Variants in ADPRHL1 observed in about 807,000 individuals in gnomAD.
The protein encoded by ADPRHL1 is ADP-ribosylhydrolase like 1.
Under a neutral mutation model 44.1 loss-of-function variants are expected in ADPRHL1, and 43 were observed. The observed-to-expected ratio is 0.98, with a 90% CI of 0.76 to 1.26. The LOEUF is 1.26. Ranked by LOEUF, ADPRHL1 falls within the 50% of genes most tolerant of loss-of-function variation. ADPRHL1 has a pLI of 0.00. For synonymous variants in ADPRHL1, 878 were observed against 1,017.4 expected (o/e 0.86, Z 2.61); for missense variants, 2,022 against 2,496.9 (o/e 0.81, Z 4.05).
intron 4 of ADPRHL1, among the ~76,000 whole-genome samples, chr13:113,427,753 G>A (rs1369913393): frequency 6.6e-6 from 1 of 152,232 alleles, no homozygotes; most frequent in Non-Finnish European, 1.5e-5. Context: ...GGGGAGCACA[G>A]AGCAGTGGCT....
At chr13:113,433,018 A>G (rs948967826) in intron 3 of ADPRHL1, among the ~76,000 whole-genome samples, 2 of 152,194 alleles carry the variant, frequency 1.3e-5, no homozygotes, top group African/African-American at 2.4e-5. Context: ...CGGGCTGCGG[A>G]CGGGGACAAA....
At chr13:113,426,948 A>G (rs150376288) in intron 4 of ADPRHL1, among the ~76,000 whole-genome samples, 2 of 152,334 alleles carry the variant, frequency 1.3e-5, no homozygotes, top group Non-Finnish European at 2.9e-5. Flanking sequence ...AGGGTGTCCT[A>G]CGGGACTTAA....
chr13:113,408,195 C>A lies in ADPRHL1; in HGVS notation c.1087G>T (p.Asp363Tyr). 1 of 1,232,024 alleles carries A rather than the reference C, an allele frequency of 8.1e-7. No individual in the cohort carries two copies. Among genetic ancestry groups the A allele is most frequent in the South Asian group, 4.1e-5 (1 of 24,318 alleles). The allele number at this position is 1,232,024 out of a possible 1,614,324, so 76.3% of individuals were successfully genotyped here. A position where few individuals can be genotyped will look rare whatever the true frequency, so the allele number is the denominator to read the frequency against. The change falls in exon 8 of 8, where the codon GAC (aspartate) becomes TAC (tyrosine). Residue 363 changes from aspartate (D) to tyrosine (Y), a missense_variant. Around this residue, in one of 8 missense-constraint regions of ADPRHL1, gnomAD observed 1,221 missense variants for 1,517.8 expected, o/e 0.80. Transcript: ENST00000612156. Reference sequence around the variant, plus strand: ...GTTTGGGCGTCCACAGACATGACGTCACTGCAGGTCTTGCTGCTCTTCCGG... The same window carrying A: ...GTTTGGGCGTCCACAGACATGACGTAACTGCAGGTCTTGCTGCTCTTCCGG... ...ENRKSSKTCS[D>Y]VMSVDAQTLK...
chr13:113,447,211 T>C (rs1275394174), intron 1 of ADPRHL1, among the ~76,000 whole-genome samples: 2 of 137,348 alleles, frequency 1.5e-5, no homozygotes, highest in South Asian at 2.4e-4. Context: ...TGTGTGTGCA[T>C]GGCGTCTACA....
chr13:113,450,960 C>A lies in ADPRHL1; in HGVS notation c.214+2264G>T, dbSNP rs111464373. 5.3e-5 allele frequency among the ~76,000 whole-genome samples: 8 copies of A among 151,658 alleles called. 1 individual carries two copies. Among genetic ancestry groups the A allele is most frequent in the Admixed American group, 1.3e-4 (2 of 15,268 alleles). ...CCCCTGGGGAAAGGGAGACCCCCCC[C>A]CCCTTCCTGGTCTGCTAAGTAGCAG... On this transcript the variant is annotated intron_variant, in intron 1 of 7. Coordinates refer to ENST00000612156, the MANE Select transcript of ADPRHL1 (RefSeq NM_001394807.1).
Position 113,453,471 on chromosome 13 carries a change from G to T in ADPRHL1, c.-34C>A. On this transcript the variant is annotated 5_prime_UTR_variant, in exon 1 of 8. Coordinates refer to ENST00000612156, the MANE Select transcript of ADPRHL1 (RefSeq NM_001394807.1). This position sits in a 1 kb window ranked among gnomAD's most constrained non-coding sequence, Gnocchi z 5.4. Reference sequence around the variant, plus strand: ...GCAGCTCCTCTTCCCCAACAGCTGCGGAGCGTCCTGGCCTTTGTCTCCTCC... The same window carrying T: ...GCAGCTCCTCTTCCCCAACAGCTGCTGAGCGTCCTGGCCTTTGTCTCCTCC... The T allele has an allele frequency of 6.2e-7, 1 of 1,605,730 alleles. No homozygotes were observed. Among genetic ancestry groups the T allele is most frequent in the Non-Finnish European group, 8.5e-7 (1 of 1,175,338 alleles).
At position 113,402,312 on chromosome 13, in the gene ADPRHL1, T is replaced by C. The variant is rs1054284293; in HGVS notation, c.*1066A>G. ...AAGAATGTGCTTTAAAATAGGTGCATGGAGGAAGAGCCTAAAAAATAGTCC... is the reference window on the plus strand; with the variant it reads ...AAGAATGTGCTTTAAAATAGGTGCACGGAGGAAGAGCCTAAAAAATAGTCC... On this transcript the variant is annotated 3_prime_UTR_variant, in exon 8 of 8. Transcript: ENST00000612156. 1 of 152,146 alleles carries C rather than the reference T, an allele frequency of 6.6e-6. No individual in the cohort carries two copies. Among genetic ancestry groups the C allele is most frequent in the African/African-American group, 2.4e-5 (1 of 41,414 alleles). 9.4% of individuals were successfully genotyped at this position (152,146 alleles called of 1,614,324 possible). A position where few individuals can be genotyped will look rare whatever the true frequency, so the allele number is the denominator to read the frequency against.
Position 113,403,183 on chromosome 13 carries a change from T to C in ADPRHL1, c.*195A>G. 1 of 428,250 alleles carries C rather than the reference T, an allele frequency of 2.3e-6. No individual in the cohort carries two copies. Among genetic ancestry groups the C allele is most frequent in the Non-Finnish European group, 3.9e-6 (1 of 258,974 alleles). 26.5% of individuals were successfully genotyped at this position (428,250 alleles called of 1,614,324 possible). On this transcript the variant is annotated 3_prime_UTR_variant, in exon 8 of 8. Coordinates refer to ENST00000612156, the MANE Select transcript of ADPRHL1 (RefSeq NM_001394807.1). ...CCACCCCCATGGCCTCGTGGCTCTG[T>C]GGGGTGACAGGAACCCGACCCACAT...
rs374406687 is a variant in ADPRHL1, at chr13:113,424,330, G to A, written c.794C>T (p.Ser265Leu). The A allele has an allele frequency of 2.6e-4, 414 of 1,612,726 alleles. 6 individuals carry two copies. In the South Asian group the frequency reaches 4.2e-3, roughly 16 times the overall value. The change falls in exon 6 of 8, where the codon TCG (serine) becomes TTG (leucine). Residue 265 changes from serine to leucine, a missense_variant. By Grantham distance (145) the Ser-to-Leu change is moderately radical (BLOSUM62 -2). Around this residue, in one of 8 missense-constraint regions of ADPRHL1, gnomAD observed 437 missense variants for 430.7 expected, o/e 1.01. Transcript: ENST00000612156. ...EREKTYRKWSSEGRGGRRGHD... is the reference protein window; with the variant it reads ...EREKTYRKWSLEGRGGRRGHD... The stretch of plus-strand genomic sequence containing the variant: ...GCCTCGTCTTCCCCCTCGACCTTCC[G>A]AGCTCCACTTCCTGTAGGTCTGACA...
At chr13:113,430,685 C>T (rs536655842) in intron 3 of ADPRHL1, among the ~76,000 whole-genome samples, 7 of 150,394 alleles carry the variant, frequency 4.7e-5, no homozygotes, top group South Asian at 4.2e-4. Context: ...GTGACAAAAG[C>T]GGAGCAGTGA....
At position 113,403,269 on chromosome 13, in the gene ADPRHL1, G is replaced by A. The variant is rs934873414; in HGVS notation, c.*109C>T. 9.6e-5 allele frequency: 90 copies of A among 933,680 alleles called. No homozygotes were observed. The highest frequency in any genetic ancestry group is 1.2e-4 in the Non-Finnish European group (85 of 716,662). 57.8% of individuals were successfully genotyped at this position (933,680 alleles called of 1,614,324 possible). A position where few individuals can be genotyped will look rare whatever the true frequency, so the allele number is the denominator to read the frequency against. The stretch of plus-strand genomic sequence containing the variant: ...GGGAAAGAAAATTATGGAAACAGGC[G>A]TCTCTGTAGGGGATGCTCCAAGACG... On this transcript the variant is annotated 3_prime_UTR_variant, in exon 8 of 8. Transcript: ENST00000612156.
intron 7 of ADPRHL1, among the ~76,000 whole-genome samples, chr13:113,420,455 G>A (rs2043909931): frequency 6.6e-6 from 1 of 152,078 alleles, no homozygotes; most frequent in Non-Finnish European, 1.5e-5. Context: ...GGGTGGAGAG[G>A]GAAGCCCACT....
intron 4 of ADPRHL1, among the ~76,000 whole-genome samples, chr13:113,427,686 T>G (rs2043977049): frequency 6.6e-6 from 1 of 152,212 alleles, no homozygotes; most frequent in African/African-American, 2.4e-5. Flanking sequence ...AAACAAAGTG[T>G]GCTGTGGCCT....
In ADPRHL1 at chr13:113,409,405, C is replaced by T. The variant is rs1021278940; in HGVS notation, c.1062-1185G>A. On this transcript the variant is annotated intron_variant, in intron 7 of 7. Coordinates refer to ENST00000612156, the MANE Select transcript of ADPRHL1 (RefSeq NM_001394807.1). The surrounding 1 kb of genome is among the most constrained non-coding windows in gnomAD (Gnocchi z 4.2). Reference sequence around the variant, plus strand: ...TCATCAGGGATGAGGAACAAAGACTCGAGTATTACAGGAAAAGTCGCCTTC... The same window carrying T: ...TCATCAGGGATGAGGAACAAAGACTTGAGTATTACAGGAAAAGTCGCCTTC... 7 of 985,184 alleles carry T rather than the reference C, an allele frequency of 7.1e-6. No homozygotes were observed. The South Asian group carries it at 1.4e-4, about 20-fold the overall frequency. 61.0% of individuals were successfully genotyped at this position (985,184 alleles called of 1,614,324 possible). A position where few individuals can be genotyped will look rare whatever the true frequency, so the allele number is the denominator to read the frequency against.
intron 7 of ADPRHL1, among the ~76,000 whole-genome samples, chr13:113,416,628 ATATAGAT>A (rs1162822795): frequency 1.3e-5 from 2 of 152,226 alleles, no homozygotes; most frequent in Non-Finnish European, 2.9e-5. Flanking sequence ...TGCTACAAAC[ATATAGAT>A]TATAAAGGAA....
chr13:113,411,323 C>T (rs1488252912), intron 7 of ADPRHL1, among the ~76,000 whole-genome samples: 3 of 152,086 alleles, frequency 2.0e-5, no homozygotes, highest in Non-Finnish European at 2.9e-5. Context: ...GGGACCACTC[C>T]CCACACTCGG....
chr13:113,403,708 G>T lies in ADPRHL1; in HGVS notation c.5574C>A (p.Ser1858Arg). ...QSGGSGLGEPSAGYPPPGSRP... is the reference protein window; with the variant it reads ...QSGGSGLGEPRAGYPPPGSRP... Reference sequence around the variant, plus strand: ...GGCTTCCTGGGGGTGGGTACCCGGCGCTGGGCTCCCCCAGGCCACTGCCCC... The same window carrying T: ...GGCTTCCTGGGGGTGGGTACCCGGCTCTGGGCTCCCCCAGGCCACTGCCCC... The change falls in exon 8 of 8, where the codon AGC becomes AGA. Residue 1858 changes from serine (S) to arginine (R), a missense_variant. Around this residue, in one of 8 missense-constraint regions of ADPRHL1, gnomAD observed 205 missense variants for 250.1 expected, o/e 0.82. Coordinates refer to ENST00000612156, the MANE Select transcript of ADPRHL1 (RefSeq NM_001394807.1). 4 of 1,232,058 alleles carry T rather than the reference G, an allele frequency of 3.2e-6. No individual in the cohort carries two copies. The South Asian group carries it at 1.6e-4, about 51-fold the overall frequency. 76.3% of individuals were successfully genotyped at this position (1,232,058 alleles called of 1,614,324 possible).
intron 2 of ADPRHL1, among the ~76,000 whole-genome samples, chr13:113,440,619 C>A (rs1241355010): frequency 6.6e-6 from 1 of 151,844 alleles, no homozygotes; most frequent in East Asian, 2.0e-4. Flanking sequence ...CCACACCCAG[C>A]AATTTTTGTA....
chr13:113,424,152 G>A (rs1476224517), intron 6 of ADPRHL1, 65 bp downstream of exon 6: 9 of 1,594,582 alleles, frequency 5.6e-6, no homozygotes, highest in South Asian at 2.3e-5. Context: ...AGGACACTCC[G>A]AGGGGGTGCT....
Sources: gnomAD v4.1 joint callset for allele counts (sites outside exome capture counted in the v4.1 genomes callset) on GRCh38, gnomAD v4.1.1 for gene constraint, gnomAD v4.1.1 regional missense constraint, Gnocchi (gnomAD v3.1) non-coding constraint, MANE v1.5 for transcripts, NCBI Gene and HGNC (gene_info 2026-07-23, HGNC 2026-07-21) for gene names.